LMBR1: variants seen among roughly 807,000 people sequenced by gnomAD.
LMBR1 encodes limb region 1 protein homolog.
In LMBR1, 52 loss-of-function variants were observed where a neutral mutation model predicts 73.9. The observed-to-expected ratio is 0.70, with a 90% CI of 0.56 to 0.89. LMBR1 has a LOEUF of 0.89. LMBR1 is among the 40% of genes least tolerant of loss of function. LMBR1 has a pLI of 0.00. For missense variants in LMBR1, 539 were observed against 579.8 expected, an observed-to-expected ratio of 0.93 and a Z score of 0.72; for synonymous variants, 215 against 209.4, an observed-to-expected ratio of 1.03 and a Z score of -0.23.
intron 8 of LMBR1, among the ~76,000 whole-genome samples, chr7:156,757,614 T>C (rs560688261): frequency 4.0e-4 from 61 of 152,354 alleles, no homozygotes; most frequent in African/African-American, 1.3e-3. Context: ...AGAGCTGATA[T>C]CAGTGTTCCA....
At chr7:156,815,389 T>C (rs1003370988) in intron 4 of LMBR1, among the ~76,000 whole-genome samples, 53 of 152,244 alleles carry the variant, frequency 3.5e-4, no homozygotes, top group African/African-American at 8.9e-4. Context: ...AAACCAGGCA[T>C]AGAAAATCAA....
At chr7:156,675,906 A>C, downstream of LMBR1, 1 of 1,591,028 alleles carries the variant, frequency 6.3e-7, no homozygotes, top group Non-Finnish European at 8.6e-7. Context: ...ACTCAGCTGC[A>C]GCTGCAGAGG....
chr7:156,786,413 G>T (rs1436141903), intron 5 of LMBR1, among the ~76,000 whole-genome samples: 2 of 152,116 alleles, frequency 1.3e-5, no homozygotes, highest in Non-Finnish European at 2.9e-5. Flanking sequence ...TAAGGGTAAC[G>T]TTATTGTATA....
intron 3 of LMBR1, among the ~76,000 whole-genome samples, chr7:156,831,293 T>G (rs1836641917): frequency 6.6e-6 from 1 of 151,012 alleles, no homozygotes; most frequent in Non-Finnish European, 1.5e-5. Context: ...TTTTTTTTTT[T>G]GGCAAATGCT....
intron 15 of LMBR1, among the ~76,000 whole-genome samples, chr7:156,705,903 A>G (rs893885750): frequency 3.3e-5 from 5 of 152,206 alleles, no homozygotes; most frequent in Non-Finnish European, 5.9e-5. Flanking sequence ...CAATGAAAAA[A>G]TATGACAGGA....
At chr7:156,878,798 CA>C (rs1282164736) in intron 1 of LMBR1, among the ~76,000 whole-genome samples, 1 of 152,186 alleles carries the variant, frequency 6.6e-6, no homozygotes, top group East Asian at 1.9e-4. Context: ...TACCTGATTT[CA>C]AACTATACTA....
At chr7:156,735,127 C>G (rs993038428) in intron 9 of LMBR1, among the ~76,000 whole-genome samples, 1 of 152,256 alleles carries the variant, frequency 6.6e-6, no homozygotes, top group African/African-American at 2.4e-5. Context: ...CTAATTATTT[C>G]TGTAAGACAG....
At chr7:156,722,013 C>CCCCAA (rs1814688881) in intron 15 of LMBR1, among the ~76,000 whole-genome samples, 1 of 148,308 alleles carries the variant, frequency 6.7e-6, no homozygotes, top group African/African-American at 2.5e-5. Flanking sequence ...GCAAAAACAT[C>CCCCAA]ATCATTTCTT....
intron 7 of LMBR1, among the ~76,000 whole-genome samples, chr7:156,762,714 TA>T (rs1348546873): frequency 6.6e-6 from 1 of 152,194 alleles, no homozygotes; most frequent in Non-Finnish European, 1.5e-5. Context: ...CATTTCCATT[TA>T]AAAGTAGAAT....
chr7:156,680,403 A>AGTGTGTGTGTGTGTGTGTGTGT lies in LMBR1; in HGVS notation c.*3653_*3674dup, dbSNP rs56828984. The stretch of plus-strand genomic sequence containing the variant: ...GAGAGAGAGAGAGAGAGAGAGAGAG[A>AGTGTGTGTGTGTGTGTGTGTGT]GTGTGTGTGTGTGTGTGTGTGTAAT... On this transcript the variant is annotated 3_prime_UTR_variant, in exon 17 of 17. Transcript: ENST00000353442. 6.4e-5 allele frequency: 8 copies of AGTGTGTGTGTGTGTGTGTGTGT among 125,168 alleles called. No homozygotes were observed. Among genetic ancestry groups the AGTGTGTGTGTGTGTGTGTGTGT allele is most frequent in the African/African-American group, 2.4e-4 (8 of 32,668 alleles). 7.8% of individuals were successfully genotyped at this position (125,168 alleles called of 1,614,324 possible).
chr7:156,836,758 T>C, intron 2 of LMBR1, 55 bp downstream of exon 2: 3 of 1,133,256 alleles, frequency 2.6e-6, no homozygotes, highest in South Asian at 1.4e-5. Flanking sequence ...TTATATACCA[T>C]GCCTAGACCA....
chr7:156,849,287 T>C (rs574342563), intron 1 of LMBR1, among the ~76,000 whole-genome samples: 4 of 152,242 alleles, frequency 2.6e-5, no homozygotes, highest in African/African-American at 9.6e-5. Context: ...CCACATGTTC[T>C]CATTTATAAG....
At chr7:156,843,012 G>A (rs759550768) in intron 1 of LMBR1, among the ~76,000 whole-genome samples, 16 of 152,004 alleles carry the variant, frequency 1.1e-4, no homozygotes, top group Admixed American at 1.3e-4. Context: ...CACACTCATC[G>A]ACCAACTCAA....
Position 156,694,532 on chromosome 7 carries a change from T to TA in LMBR1, c.1226-6342_1226-6341insT, listed in dbSNP as rs748655111. Reference sequence around the variant, plus strand: ...TGGAAGAAGGCAAGGATGCCCACTTTTGCCACTGCTATTCAACATACTACT... The same window carrying TA: ...TGGAAGAAGGCAAGGATGCCCACTTTATGCCACTGCTATTCAACATACTACT... On this transcript the variant is annotated intron_variant, in intron 15 of 16. Transcript: ENST00000353442. Among the ~76,000 whole-genome samples the TA allele has an allele frequency of 6.6e-4, 101 of 152,300 alleles. 1 individual carries two copies. The highest frequency in any genetic ancestry group is 1.3e-3 in the Non-Finnish European group (89 of 68,032).
downstream of LMBR1, among the ~76,000 whole-genome samples, chr7:156,673,312 A>G (rs1802998049): frequency 6.6e-6 from 1 of 152,268 alleles, no homozygotes; most frequent in Non-Finnish European, 1.5e-5. Context: ...AACCTGAATT[A>G]CAAAGCATCA....
rs10242736 is a variant in LMBR1, at chr7:156,670,932, C to T, written n.867-1645G>A. Among the ~76,000 whole-genome samples, 4,626 of 151,926 alleles carry T rather than the reference C, an allele frequency of 0.03. 246 individuals are homozygous for T. Among genetic ancestry groups the T allele is most frequent in the African/African-American group, 0.11 (4,406 of 41,378 alleles). On this transcript the variant is annotated intron_variant and non_coding_transcript_variant, in intron 4 of 4. Coordinates refer to the LMBR1 transcript ENST00000430825. The surrounding 1 kb of genome is among the most constrained non-coding windows in gnomAD (Gnocchi z 4.3). ...TAAATCTAATAGACATTGATTCCAC[C>T]GAACAAGAAAACTCATGTCTCAGGT...
At chr7:156,819,106 T>C (rs1298166552) in intron 4 of LMBR1, among the ~76,000 whole-genome samples, 1 of 152,232 alleles carries the variant, frequency 6.6e-6, no homozygotes, top group Non-Finnish European at 1.5e-5. Flanking sequence ...TTCAAGCTAT[T>C]TTCTCACTGC....
chr7:156,873,716 C>G (rs1413388174), intron 1 of LMBR1, among the ~76,000 whole-genome samples: 1 of 151,130 alleles, frequency 6.6e-6, no homozygotes. Flanking sequence ...GGTGCATTCA[C>G]AAACCTTGAG....
rs1407559417 is a variant in LMBR1, at chr7:156,789,644, A to C, written c.423+6745T>G. Among the ~76,000 whole-genome samples the C allele has an allele frequency of 6.6e-6, 1 of 152,224 alleles. No homozygotes were observed. Among genetic ancestry groups the C allele is most frequent in the African/African-American group, 2.4e-5 (1 of 41,460 alleles). On this transcript the variant is annotated intron_variant, in intron 5 of 16. Transcript: ENST00000353442. ...TTTATACATGAATAAATATGAGCTT[A>C]AGTGCCAAATAAATCTAAGATTGTA...
Sources: gnomAD v4.1 joint callset for allele counts (sites outside exome capture counted in the v4.1 genomes callset) on GRCh38, gnomAD v4.1.1 for gene constraint, Gnocchi (gnomAD v3.1) non-coding constraint, MANE v1.5 for transcripts, NCBI Gene and HGNC (gene_info 2026-07-23, HGNC 2026-07-21) for gene names.